SOCS2: variants seen among roughly 807,000 people sequenced by gnomAD.
The protein encoded by SOCS2 is CIS-2.
In SOCS2, 10 loss-of-function variants were observed where a neutral mutation model predicts 18.6. The observed-to-expected ratio is 0.54, with a 90% CI of 0.33 to 0.91. The LOEUF is 0.91. Ranked by LOEUF, SOCS2 falls within the 40% of genes least tolerant of loss-of-function variation. The pLI, the probability that SOCS2 is intolerant of heterozygous loss-of-function variation, is 0.02. For missense variants in SOCS2, 231 were observed against 247.2 expected, an observed-to-expected ratio of 0.93 and a Z score of 0.44; for synonymous variants, 104 against 104.0, an observed-to-expected ratio of 1.00 and a Z score of 0.00.
chr12:93,606,511 T>C, the SOCS2 span, among the ~76,000 whole-genome samples: 1 of 152,136 alleles, frequency 6.6e-6, no homozygotes, highest in South Asian at 2.1e-4. Flanking sequence ...GCTCTAATAC[T>C]AGGATCAGGG....
the SOCS2 span, among the ~76,000 whole-genome samples, chr12:93,591,458 G>C: frequency 6.6e-6 from 1 of 152,196 alleles, no homozygotes; most frequent in Non-Finnish European, 1.5e-5. Flanking sequence ...TCTGCGGCAA[G>C]AGGAATCTCA....
chr12:93,623,656 C>G, the SOCS2 span, among the ~76,000 whole-genome samples: 1 of 152,054 alleles, frequency 6.6e-6, no homozygotes, highest in East Asian at 1.9e-4. Flanking sequence ...CCTCTAGGTA[C>G]TAGCTGTGGT....
the SOCS2 span, among the ~76,000 whole-genome samples, chr12:93,592,803 G>A: frequency 4.6e-5 from 7 of 151,920 alleles, no homozygotes; most frequent in African/African-American, 1.7e-4. Context: ...CAACAACTTC[G>A]TCCCAGCCTT....
chr12:93,587,643 T>C, downstream of SOCS2, among the ~76,000 whole-genome samples: 1 of 147,612 alleles, frequency 6.8e-6, no homozygotes, highest in East Asian at 2.0e-4. Context: ...ATTGTGCCAC[T>C]GCACTGCAGC....
At chr12:93,572,614 A>G (rs1342519917), upstream of SOCS2, 2 of 624,978 alleles carry the variant, frequency 3.2e-6, no homozygotes, top group Non-Finnish European at 3.0e-6. The surrounding 1 kb of genome is among the most constrained non-coding windows in gnomAD (Gnocchi z 5.0). Context: ...TTCCACGTCT[A>G]TTTCCCCACC....
At chr12:93,582,881 G>A (rs1954559036) in intron 1 of SOCS2, 1 of 152,090 alleles carries the variant, frequency 6.6e-6, no homozygotes, top group South Asian at 2.1e-4. Flanking sequence ...AGGAGAGGCA[G>A]GCTCCACCTA....
chr12:93,590,521 G>A, the SOCS2 span, among the ~76,000 whole-genome samples: 1 of 151,752 alleles, frequency 6.6e-6, no homozygotes, highest in East Asian at 1.9e-4. Flanking sequence ...TCCCGTATGG[G>A]CGTGGTGGCT....
At chr12:93,615,403 T>A in the SOCS2 span, among the ~76,000 whole-genome samples, 1 of 152,202 alleles carries the variant, frequency 6.6e-6, no homozygotes. Context: ...GTGACATTCC[T>A]GGGCAGGGAT....
At chr12:93,606,019 G>T in the SOCS2 span, among the ~76,000 whole-genome samples, 1 of 152,232 alleles carries the variant, frequency 6.6e-6, no homozygotes, top group Non-Finnish European at 1.5e-5. Flanking sequence ...TGTAGTCCAT[G>T]ACTGATATGA....
the SOCS2 span, among the ~76,000 whole-genome samples, chr12:93,591,137 A>T: frequency 6.6e-6 from 1 of 152,090 alleles, no homozygotes; most frequent in African/African-American, 2.4e-5. Flanking sequence ...TAGTTACGTT[A>T]CAGACCTTCA....
downstream of SOCS2, among the ~76,000 whole-genome samples, chr12:93,587,394 G>A (rs900808397): frequency 3.3e-5 from 5 of 152,004 alleles, no homozygotes; most frequent in African/African-American, 9.7e-5. Context: ...TAAAAAATCA[G>A]TTGGTGGCTG....
chr12:93,571,995 C>G (rs1592821325), upstream of SOCS2: 2 of 244,210 alleles, frequency 8.2e-6, no homozygotes, highest in South Asian at 3.4e-5. Flanking sequence ...CTCGGAGCCC[C>G]GCGAGGGCTG....
downstream of SOCS2, chr12:93,583,623 G>A (rs1291186104): frequency 6.6e-6 from 1 of 152,130 alleles, no homozygotes; most frequent in Non-Finnish European, 1.5e-5. Context: ...GTGCATCATT[G>A]AGCCTGGGTA....
the SOCS2 span, among the ~76,000 whole-genome samples, chr12:93,626,072 C>T: frequency 4.5e-4 from 68 of 152,232 alleles, no homozygotes; most frequent in African/African-American, 1.5e-3. Flanking sequence ...GGGTTTTAGA[C>T]GGTTCTGCCA....
At position 93,572,909 on chromosome 12, in the gene SOCS2, G is replaced by A. The variant is rs779204598; in HGVS notation, c.12G>A (p.Arg4=). ...GTGACCCTTCTCTCATGACCCTGCGGTGCCTTGAGCCCTCCGGGAATGGCG... is the reference window on the plus strand; with the variant it reads ...GTGACCCTTCTCTCATGACCCTGCGATGCCTTGAGCCCTCCGGGAATGGCG... MTL[R]CLEPSGNGGE... is the part of the protein sequence containing the mutation. Residue 4 remains arginine (R), a synonymous_variant, in exon 1 of 2, where the codon CGG becomes CGA. Coordinates refer to ENST00000551556, the MANE Select transcript of SOCS2 (RefSeq NM_001270471.2). This position sits in a 1 kb window ranked among gnomAD's most constrained non-coding sequence, Gnocchi z 5.0. 1 of 1,578,910 alleles carries A rather than the reference G, an allele frequency of 6.3e-7. No homozygotes were observed. Among genetic ancestry groups the A allele is most frequent in the Non-Finnish European group, 8.6e-7 (1 of 1,161,938 alleles).
the SOCS2 span, among the ~76,000 whole-genome samples, chr12:93,619,105 A>C: frequency 6.6e-6 from 1 of 152,246 alleles, no homozygotes. Context: ...AGCTATCCCC[A>C]CCGGTAGAAC....
chr12:93,581,116 G>A (rs2094823867), downstream of SOCS2, among the ~76,000 whole-genome samples: 1 of 152,182 alleles, frequency 6.6e-6, no homozygotes, highest in Non-Finnish European at 1.5e-5. Context: ...GTAGTGTGTG[G>A]AGGCTCCTGA....
the SOCS2 span, among the ~76,000 whole-genome samples, chr12:93,620,358 C>T: frequency 6.6e-6 from 1 of 152,198 alleles, no homozygotes; most frequent in East Asian, 1.9e-4. Flanking sequence ...GATGGCATCC[C>T]CCATCGCCTC....
At chr12:93,625,871 G>C in the SOCS2 span, among the ~76,000 whole-genome samples, 1 of 151,826 alleles carries the variant, frequency 6.6e-6, no homozygotes, top group South Asian at 2.1e-4. Context: ...CAGTTGCTCT[G>C]CGTCAGAACC....
Sources: allele counts gnomAD v4.1 joint callset (sites outside exome capture counted in the v4.1 genomes callset), GRCh38; gene constraint gnomAD v4.1.1; non-coding constraint Gnocchi (gnomAD v3.1); transcripts MANE v1.5; gene names NCBI Gene and HGNC (gene_info 2026-07-23, HGNC 2026-07-21).